Variants in SEMA6D observed in about 807,000 individuals in gnomAD.
The protein encoded by SEMA6D is semaphorin-6D.
SEMA6D carries 35 observed loss-of-function variants against 106.6 expected under a neutral mutation model. The observed-to-expected ratio is 0.33, with a 90% confidence interval of 0.25 to 0.44. The LOEUF is 0.44. Among genes scored for constraint, SEMA6D ranks in the 20% least tolerant of loss-of-function variants. SEMA6D has a pLI of 1.00. For synonymous variants in SEMA6D, 499 were observed against 487.7 expected, an observed-to-expected ratio of 1.02 and a Z score of -0.31; for missense variants, 1,185 against 1,345.9, an observed-to-expected ratio of 0.88 and a Z score of 1.87.
intron 1 of SEMA6D, among the ~76,000 whole-genome samples, chr15:47,204,113 C>G (rs1307337361): frequency 6.6e-6 from 1 of 152,140 alleles, no homozygotes; most frequent in East Asian, 1.9e-4. Context: ...AGTTTCTATT[C>G]TTATAGGTGG....
At chr15:47,524,646 G>A (rs2044694107) in intron 3 of SEMA6D, among the ~76,000 whole-genome samples, 1 of 152,118 alleles carries the variant, frequency 6.6e-6, no homozygotes, top group Non-Finnish European at 1.5e-5. Flanking sequence ...GTTAGAGGGA[G>A]ACAGAACTAC....
At chr15:47,546,790 C>T (rs1253487127) in intron 3 of SEMA6D, among the ~76,000 whole-genome samples, 2 of 151,954 alleles carry the variant, frequency 1.3e-5, no homozygotes, top group African/African-American at 4.8e-5. Context: ...CCCTGGAGAT[C>T]AACCATAGCT....
rs1335542223 is a variant in SEMA6D, at chr15:47,772,478, C to G, written c.*693C>G. On this transcript the variant is annotated 3_prime_UTR_variant, in exon 19 of 19. Coordinates refer to ENST00000536845, the MANE Select transcript of SEMA6D (RefSeq NM_001358351.3). ...ACATTAAGCATGACCGAACGAGAGA[C>G]AATACTATTTCCCACAGGAGTCCAT... The G allele has an allele frequency of 6.6e-6, 1 of 152,016 alleles. No homozygotes were observed. The highest frequency in any genetic ancestry group is 1.9e-4 in the East Asian group (1 of 5,164). 9.4% of individuals were successfully genotyped at this position (152,016 alleles called of 1,614,324 possible).
At chr15:47,274,025 T>G (rs1020000100) in intron 1 of SEMA6D, among the ~76,000 whole-genome samples, 1 of 152,090 alleles carries the variant, frequency 6.6e-6, no homozygotes, top group East Asian at 1.9e-4. Flanking sequence ...GGTATGGACC[T>G]AAAGGCTTCA....
chr15:47,606,948 C>T (rs2076794257), intron 4 of SEMA6D, among the ~76,000 whole-genome samples: 2 of 152,150 alleles, frequency 1.3e-5, no homozygotes, highest in African/African-American at 4.8e-5. Flanking sequence ...TGCACTAATA[C>T]TCTTGCTGCT....
chr15:47,390,103 A>G (rs2039975791), intron 1 of SEMA6D, among the ~76,000 whole-genome samples: 1 of 152,178 alleles, frequency 6.6e-6, no homozygotes, highest in South Asian at 2.1e-4. Flanking sequence ...ATAATTATTT[A>G]ATCTTATTTA....
chr15:47,254,071 C>T (rs909170830), intron 1 of SEMA6D, among the ~76,000 whole-genome samples: 3 of 151,358 alleles, frequency 2.0e-5, no homozygotes, highest in African/African-American at 4.8e-5. Flanking sequence ...CTTTCACCTC[C>T]GTGGTTAAAT....
At chr15:47,269,722 G>A (rs7166532) in intron 1 of SEMA6D, among the ~76,000 whole-genome samples, 15,795 of 151,908 alleles carry the variant, frequency 0.1, 1,775 homozygotes, top group African/African-American at 0.28. Context: ...TAGATGACAC[G>A]AGATACTTCA....
chr15:47,734,712 C>T (rs1411445125), intron 1 of SEMA6D, among the ~76,000 whole-genome samples: 1 of 152,074 alleles, frequency 6.6e-6, no homozygotes, highest in African/African-American at 2.4e-5. Flanking sequence ...CTTGATACCT[C>T]AGGGAATAAG....
chr15:47,411,028 G>A (rs746089087), intron 1 of SEMA6D, among the ~76,000 whole-genome samples: 11 of 151,758 alleles, frequency 7.2e-5, no homozygotes, highest in Non-Finnish European at 1.3e-4. Flanking sequence ...TGGTGGACAC[G>A]GTGTAGGGTA....
chr15:47,512,678 G>T (rs566471014), intron 3 of SEMA6D, among the ~76,000 whole-genome samples: 1 of 152,290 alleles, frequency 6.6e-6, no homozygotes, highest in South Asian at 2.1e-4. Flanking sequence ...TGGATACAAA[G>T]GACCAAGACA....
chr15:47,552,466 GTA>G (rs1381163403), intron 3 of SEMA6D, among the ~76,000 whole-genome samples: 8 of 149,346 alleles, frequency 5.4e-5, no homozygotes, highest in Non-Finnish European at 7.4e-5. Context: ...AAATGGCAAT[GTA>G]TGTGTGTGTG....
chr15:47,731,153 C>T (rs2080095634), intron 1 of SEMA6D, among the ~76,000 whole-genome samples: 1 of 152,120 alleles, frequency 6.6e-6, no homozygotes, highest in Non-Finnish European at 1.5e-5. Context: ...ATCACGTAAA[C>T]TTCATTGCTG....
chr15:47,750,340 A>C (rs1316113265), intron 1 of SEMA6D, among the ~76,000 whole-genome samples: 1 of 152,172 alleles, frequency 6.6e-6, no homozygotes, highest in African/African-American at 2.4e-5. Context: ...TTCTTAGAGA[A>C]AAAACAGGTT....
chr15:47,193,915 T>C (rs1894147624), intron 1 of SEMA6D, among the ~76,000 whole-genome samples: 1 of 152,186 alleles, frequency 6.6e-6, no homozygotes, highest in African/African-American at 2.4e-5. Flanking sequence ...TTTTGTTTGG[T>C]TAACTCTTTT....
intron 1 of SEMA6D, among the ~76,000 whole-genome samples, chr15:47,283,428 C>T (rs2035220192): frequency 6.6e-6 from 1 of 152,294 alleles, no homozygotes; most frequent in African/African-American, 2.4e-5. Flanking sequence ...CTTTGACTTT[C>T]CGTTGGAGGT....
intron 1 of SEMA6D, among the ~76,000 whole-genome samples, chr15:47,239,415 C>A (rs1197104095): frequency 6.6e-6 from 1 of 152,186 alleles, no homozygotes. Flanking sequence ...CCCAATCCCA[C>A]AATTTTTTCA....
At chr15:47,425,461 C>T (rs1448060954) in intron 2 of SEMA6D, among the ~76,000 whole-genome samples, 2 of 152,114 alleles carry the variant, frequency 1.3e-5, no homozygotes, top group East Asian at 3.9e-4. Flanking sequence ...TGCTTTCTGA[C>T]CCCCAACAGA....
chr15:47,450,100 G>A (rs1169849357), intron 2 of SEMA6D, among the ~76,000 whole-genome samples: 2 of 152,112 alleles, frequency 1.3e-5, no homozygotes, highest in Middle Eastern at 3.2e-3. Flanking sequence ...GAAGTAAACA[G>A]AATGAGTTCA....
Sources: gnomAD v4.1 joint callset for allele counts (sites outside exome capture counted in the v4.1 genomes callset) on GRCh38, gnomAD v4.1.1 for gene constraint, MANE v1.5 for transcripts, NCBI Gene and HGNC (gene_info 2026-07-23, HGNC 2026-07-21) for gene names.